Variants in RSPH6A observed in about 807,000 individuals in gnomAD.
RSPH6A encodes radial spoke head 6 homolog A, also known as radial spoke head protein 6 homolog A.
RSPH6A carries 49 observed loss-of-function variants against 66.1 expected under a neutral mutation model. The ratio of observed to expected loss-of-function variants is 0.74; its 90% CI spans 0.59 to 0.94. The LOEUF (loss-of-function observed/expected upper bound fraction) is 0.94. Among genes scored for constraint, RSPH6A ranks in the 40% least tolerant of loss-of-function variants. The pLI, the probability that RSPH6A is intolerant of heterozygous loss-of-function variation, is 0.00. For synonymous variants in RSPH6A, 419 were observed against 402.4 expected, an observed-to-expected ratio of 1.04 and a Z score of -0.49; for missense variants, 977 against 948.3, an observed-to-expected ratio of 1.03 and a Z score of -0.40.
chr19:45,797,424 A>G (rs1970420341), intron 5 of RSPH6A, among the ~76,000 whole-genome samples: 1 of 152,020 alleles, frequency 6.6e-6, no homozygotes, highest in African/African-American at 2.4e-5. Flanking sequence ...AACAAAAAAA[A>G]TTAAATTATA....
chr19:45,805,395 CA>C (rs1970531431), intron 2 of RSPH6A, among the ~76,000 whole-genome samples: 1 of 148,790 alleles, frequency 6.7e-6, no homozygotes, highest in African/African-American at 2.5e-5. Context: ...GACACGGTCT[CA>C]AAAAATAAAA....
chr19:45,796,087 T>A lies in RSPH6A; in HGVS notation c.1936A>T (p.Ile646Phe), dbSNP rs374276879. The A allele has an allele frequency of 5.7e-6, 9 of 1,579,336 alleles. No individual in the cohort carries two copies. Among genetic ancestry groups the A allele is most frequent in the Non-Finnish European group, 7.8e-6 (9 of 1,157,626 alleles). Residue 646 changes from isoleucine to phenylalanine, a missense_variant, in exon 6 of 6, where the codon ATC becomes TTC. Coordinates refer to ENST00000221538, the MANE Select transcript of RSPH6A (RefSeq NM_030785.4). The part of the protein sequence containing the change: ...ASGKKFENIY[I>F]GWGHKYSPES... Reference sequence around the variant, plus strand: ...GGGCTGTACTTGTGACCCCAGCCGATGTAGATGTTCTCAAACTTTCTGGAG... The same window carrying A: ...GGGCTGTACTTGTGACCCCAGCCGAAGTAGATGTTCTCAAACTTTCTGGAG...
Position 45,804,349 on chromosome 19 carries a change from G to A in RSPH6A, c.1556C>T (p.Ser519Phe). The change falls in exon 3 of 6, where the codon TCC becomes TTC. Residue 519 changes from serine to phenylalanine, a missense_variant. Transcript: ENST00000221538. This position sits in a 1 kb window ranked among gnomAD's most constrained non-coding sequence, Gnocchi z 5.8. ...EEEEGGAGRD[S>F]YEENPDFEGI... ...CTCGAAGTCCGGGTTCTCCTCGTAGGAGTCGCGCCCAGCACCACCTTCCTC... is the reference window on the plus strand; with the variant it reads ...CTCGAAGTCCGGGTTCTCCTCGTAGAAGTCGCGCCCAGCACCACCTTCCTC... The A allele has an allele frequency of 6.2e-7, 1 of 1,614,202 alleles. No homozygotes were observed. The highest frequency in any genetic ancestry group is 1.1e-5 in the South Asian group (1 of 91,078).
Position 45,804,698 on chromosome 19 carries a change from C to A in RSPH6A, c.1207G>T (p.Val403Phe). Residue 403 changes from valine (V) to phenylalanine (F), a missense_variant, in exon 3 of 6, where the codon GTC (valine) becomes TTC (phenylalanine). By Grantham distance (50) the Val-to-Phe change is conservative. Transcript: ENST00000221538. This position sits in a 1 kb window ranked among gnomAD's most constrained non-coding sequence, Gnocchi z 5.8. ...GGCGGCTTCCATACGGACTTAGGGA[C>A]GATGTCCACGGCCTTCTCCTCGTCC... ...EEDEEKAVDI[V>F]PKSVWKPPPV... 1 of 1,613,996 alleles carries A rather than the reference C, an allele frequency of 6.2e-7. No homozygotes were observed. Among genetic ancestry groups the A allele is most frequent in the African/African-American group, 1.3e-5 (1 of 74,964 alleles).
chr19:45,807,185 C>A (rs1970556188), intron 2 of RSPH6A, among the ~76,000 whole-genome samples: 1 of 151,048 alleles, frequency 6.6e-6, no homozygotes, highest in Non-Finnish European at 1.5e-5. Context: ...AGCCACTGTG[C>A]CTGGCATATT....
Position 45,812,518 on chromosome 19 carries a change from G to A in RSPH6A, c.651-1678C>T, listed in dbSNP as rs146399514. Among the ~76,000 whole-genome samples the A allele has an allele frequency of 2.1e-3, 319 of 152,218 alleles. 2 individuals are homozygous for A. The highest frequency in any genetic ancestry group is 7.5e-3 in the African/African-American group (312 of 41,564). ...CCATCATGGAAGTTGGGAAGGGTAA[G>A]AAGAGGTGAGACTTTGGCTAGGGCT... On this transcript the variant is annotated intron_variant, in intron 1 of 5. Coordinates refer to ENST00000221538, the MANE Select transcript of RSPH6A (RefSeq NM_030785.4).
Position 45,805,001 on chromosome 19 carries a change from G to A in RSPH6A, c.904C>T (p.Pro302Ser). The A allele has an allele frequency of 1.9e-6, 3 of 1,610,560 alleles. No individual in the cohort carries two copies. Among genetic ancestry groups the A allele is most frequent in the East Asian group, 2.2e-5 (1 of 44,864 alleles). Residue 302 changes from proline (P) to serine (S), a missense_variant, in exon 3 of 6, where the codon CCC becomes TCC. Physicochemically the swap from Pro to Ser is moderately conservative, Grantham distance 74. Transcript: ENST00000221538. ...TAGAAGGCAGTCTCCATGATGTTGG[G>A]CACTGGTGTCTCCCCCTGCGCAGGG... ...MEEEVGETPV[P>S]NIMETAFYFE...
At chr19:45,814,121 T>C (rs1008697417) in intron 1 of RSPH6A, among the ~76,000 whole-genome samples, 5 of 152,062 alleles carry the variant, frequency 3.3e-5, no homozygotes, top group African/African-American at 1.2e-4. Flanking sequence ...ACCACGCCAC[T>C]GTGCTCCAGC....
At position 45,809,102 on chromosome 19, in the gene RSPH6A, C is replaced by A. The variant is rs188948503; in HGVS notation, c.888+1501G>T. Among the ~76,000 whole-genome samples the A allele has an allele frequency of 2.8e-3, 403 of 145,600 alleles. 1 individual carries two copies. Among genetic ancestry groups the A allele is most frequent in the African/African-American group, 9.6e-3 (376 of 39,294 alleles). ...CTGCAAGCTCCGCCCACCAGGTTCA[C>A]GCCATTCTCCTGCCTCAGCCTCCCC... On this transcript the variant is annotated intron_variant, in intron 2 of 5. Coordinates refer to ENST00000221538, the MANE Select transcript of RSPH6A (RefSeq NM_030785.4).
chr19:45,813,553 A>C lies in RSPH6A; in HGVS notation c.650+974T>G, dbSNP rs1440710937. Among the ~76,000 whole-genome samples, 549 of 150,998 alleles carry C rather than the reference A, an allele frequency of 3.6e-3. 2 individuals are homozygous for C. The highest frequency in any genetic ancestry group is 0.028 in the Middle Eastern group (8 of 282). Reference sequence around the variant, plus strand: ...AGAGACAGGGTTTCGCCATGTTGGCAAGGCTGGTCTCGAACTCCTGACCTC... The same window carrying C: ...AGAGACAGGGTTTCGCCATGTTGGCCAGGCTGGTCTCGAACTCCTGACCTC... On this transcript the variant is annotated intron_variant, in intron 1 of 5. Transcript: ENST00000221538.
intron 1 of RSPH6A, among the ~76,000 whole-genome samples, chr19:45,811,156 G>A (rs1970622710): frequency 6.6e-6 from 1 of 151,928 alleles, no homozygotes; most frequent in African/African-American, 2.4e-5. Context: ...ACCACGCCTG[G>A]TTACTTTTTG....
chr19:45,810,613 T>C lies in RSPH6A; in HGVS notation c.878A>G (p.Glu293Gly). Residue 293 changes from glutamate to glycine, a missense_variant, in exon 2 of 6, where the codon GAG becomes GGG. Glu to Gly is a moderately conservative substitution (Grantham distance 98). Coordinates refer to ENST00000221538, the MANE Select transcript of RSPH6A (RefSeq NM_030785.4). ...GACTGGCTCACTCACCACCTCCTCC[T>C]CCATCTCCTGTTCGCCTTCAGTGCC... ...GGGTEGEQEM[E>G]EEVGETPVPN... 1 of 1,613,932 alleles carries C rather than the reference T, an allele frequency of 6.2e-7. No individual in the cohort carries two copies. Among genetic ancestry groups the C allele is most frequent in the South Asian group, 1.1e-5 (1 of 91,080 alleles).
intron 2 of RSPH6A, 131 bp downstream of exon 2, chr19:45,810,472 G>T: frequency 2.3e-6 from 2 of 874,560 alleles, no homozygotes; most frequent in Non-Finnish European, 3.7e-6. Flanking sequence ...ATCCTGCCAA[G>T]ACTGAAGTTG....
At position 45,815,190 on chromosome 19, in the gene RSPH6A, G is replaced by A. The variant is rs866020401; in HGVS notation, c.-14C>T. The A allele has an allele frequency of 5.1e-6, 8 of 1,580,420 alleles. No individual in the cohort carries two copies. The highest frequency in any genetic ancestry group is 4.6e-5 in the East Asian group (2 of 43,858). On this transcript the variant is annotated 5_prime_UTR_variant, in exon 1 of 6. Coordinates refer to ENST00000221538, the MANE Select transcript of RSPH6A (RefSeq NM_030785.4). ...CAGGTCTCCCATGGTTCGCCAGGAG[G>A]CACAGATCTCTAGGAGAAAGGCTTG...
In RSPH6A at chr19:45,814,854, C is replaced by A. The variant is rs757936837; in HGVS notation, c.323G>T (p.Arg108Met). 1 of 1,614,168 alleles carries A rather than the reference C, an allele frequency of 6.2e-7. No homozygotes were observed. The highest frequency in any genetic ancestry group is 1.1e-5 in the South Asian group (1 of 91,084). Residue 108 changes from arginine to methionine, a missense_variant, in exon 1 of 6, where the codon AGG becomes ATG. By Grantham distance (91) the Arg-to-Met change is moderately conservative. Coordinates refer to ENST00000221538, the MANE Select transcript of RSPH6A (RefSeq NM_030785.4). ...FQPQPYSDES[R>M]MQVAELTTSL... ...GGTGGTGAGCTCGGCGACCTGCATCCTGCTTTCATCAGAGTAAGGCTGAGG... is the reference window on the plus strand; with the variant it reads ...GGTGGTGAGCTCGGCGACCTGCATCATGCTTTCATCAGAGTAAGGCTGAGG...
rs993721077 is a variant in RSPH6A, at chr19:45,810,702, G to C, written c.789C>G (p.Pro263=). Residue 263 remains proline (P), a synonymous_variant, in exon 2 of 6, where the codon CCC becomes CCG. Coordinates refer to ENST00000221538, the MANE Select transcript of RSPH6A (RefSeq NM_030785.4). ...HPKLDTLRDD[P]EMQPTYKMAE... Reference sequence around the variant, plus strand: ...CCATCTTGTAGGTGGGCTGCATCTCGGGGTCGTCCCGCAGCGTGTCCAGCT... The same window carrying C: ...CCATCTTGTAGGTGGGCTGCATCTCCGGGTCGTCCCGCAGCGTGTCCAGCT... 3 of 1,614,146 alleles carry C rather than the reference G, an allele frequency of 1.9e-6. No homozygotes were observed. Among genetic ancestry groups the C allele is most frequent in the South Asian group, 1.1e-5 (1 of 91,086 alleles).
rs756469767 is a variant in RSPH6A, at chr19:45,804,619, A to C, written c.1286T>G (p.Phe429Cys). 1 of 1,614,126 alleles carries C rather than the reference A, an allele frequency of 6.2e-7. No homozygotes were observed. Among genetic ancestry groups the C allele is most frequent in the South Asian group, 1.1e-5 (1 of 91,082 alleles). Residue 429 changes from phenylalanine (F) to cysteine (C), a missense_variant, in exon 3 of 6, where the codon TTT (phenylalanine) becomes TGT (cysteine). Coordinates refer to ENST00000221538, the MANE Select transcript of RSPH6A (RefSeq NM_030785.4). The surrounding 1 kb of genome is among the most constrained non-coding windows in gnomAD (Gnocchi z 5.8). ...SRSGANKYLYFVCNEPGLPWT... is the reference protein window; with the variant it reads ...SRSGANKYLYCVCNEPGLPWT... ...TGGCAGGCCCGGCTCGTTGCACACA[A>C]AGTACAGGTACTTGTTGGCGCCTGA...
At position 45,800,170 on chromosome 19, in the gene RSPH6A, G is replaced by A. The variant is rs141904015; in HGVS notation, c.1916+276C>T. Among the ~76,000 whole-genome samples, 58 of 152,340 alleles carry A rather than the reference G, an allele frequency of 3.8e-4. No homozygotes were observed. The East Asian group carries it at 9.5e-3, about 25-fold the overall frequency. On this transcript the variant is annotated intron_variant, in intron 5 of 5. Transcript: ENST00000221538. Reference sequence around the variant, plus strand: ...ATCAGGGGGCTGGAGATCCAGGTTCGTATCCTGCAAGTGCTGTGTGACCAT... The same window carrying A: ...ATCAGGGGGCTGGAGATCCAGGTTCATATCCTGCAAGTGCTGTGTGACCAT...
At chr19:45,813,263 C>T (rs1017920151) in intron 1 of RSPH6A, among the ~76,000 whole-genome samples, 12 of 152,260 alleles carry the variant, frequency 7.9e-5, no homozygotes, top group African/African-American at 1.2e-4. Context: ...ACTCTTCCTC[C>T]GGTCATCTGC....
Sources: gnomAD v4.1 joint callset for allele counts (sites outside exome capture counted in the v4.1 genomes callset) on GRCh38, gnomAD v4.1.1 for gene constraint, Gnocchi (gnomAD v3.1) non-coding constraint, MANE v1.5 for transcripts, NCBI Gene and HGNC (gene_info 2026-07-23, HGNC 2026-07-21) for gene names.